The following INO80 variants were observed in gnomAD, a reference collection of about 807,000 sequenced individuals.
INO80 encodes the protein INO80 complex ATPase subunit, also known as chromatin-remodeling ATPase INO80.
Under a neutral mutation model 203.4 loss-of-function variants are expected in INO80, and 20 were observed. That is an observed-to-expected ratio of 0.10 (90% CI 0.07 to 0.14). The LOEUF (loss-of-function observed/expected upper bound fraction) is 0.14. Among genes scored for constraint, INO80 ranks in the 10% least tolerant of loss-of-function variants. The pLI, the probability that INO80 is intolerant of heterozygous loss-of-function variation, is 1.00. For missense variants in INO80, 1,419 were observed against 1,914.4 expected (o/e 0.74, Z 4.83); for synonymous variants, 726 against 685.2 (o/e 1.06, Z -0.93).
Position 41,092,041 on chromosome 15 carries a change from T to G in INO80, c.523A>C (p.Ser175Arg), listed in dbSNP as rs762338137. ...KYKKLHQNKY[S>R]KDKELQQYQY... The stretch of plus-strand genomic sequence containing the variant: ...GAAACTCTTACCTCCTTGTCTTTAC[T>G]ATACTTATTTTGGTGAAGTTTCTTA... Residue 175 changes from serine (S) to arginine (R), a missense_variant, in exon 5 of 36, where the codon AGT (serine) becomes CGT (arginine). By Grantham distance (110) the Ser-to-Arg change is moderately radical. Transcript: ENST00000648947. The G allele has an allele frequency of 1.2e-6, 2 of 1,609,188 alleles. No homozygotes were observed. The highest frequency in any genetic ancestry group is 1.3e-5 in the African/African-American group (1 of 74,972).
chr15:41,044,407 A>C (rs1355929837), intron 24 of INO80, among the ~76,000 whole-genome samples: 3 of 152,246 alleles, frequency 2.0e-5, no homozygotes, highest in Non-Finnish European at 2.9e-5. Context: ...CAAATCTCAT[A>C]AACAATACTG....
At position 41,015,707 on chromosome 15, in the gene INO80, G is replaced by T. The variant is rs188108753; in HGVS notation, c.3402+381C>A. ...TCCCAACTCTTTGAGAGGCTGAGGT[G>T]GGTGGATCACTTGAGGCCAGGAGTT... On this transcript the variant is annotated intron_variant, in intron 27 of 35. Transcript: ENST00000648947. 2.2e-3 allele frequency among the ~76,000 whole-genome samples: 335 copies of T among 150,578 alleles called. 2 individuals carry two copies. Among genetic ancestry groups the T allele is most frequent in the Middle Eastern group, 3.4e-3 (1 of 294 alleles).
chr15:41,004,907 G>A (rs2044015324), intron 28 of INO80: 1 of 152,086 alleles, frequency 6.6e-6, no homozygotes, highest in African/African-American at 2.4e-5. Flanking sequence ...AAGTGCTACT[G>A]TTAGTGGCCG....
chr15:41,096,496 A>G, intron 1 of INO80, 143 bp from the exon 2 acceptor site: 1 of 490,620 alleles, frequency 2.0e-6, no homozygotes, highest in East Asian at 3.5e-5. Context: ...AAAGATCATG[A>G]TAAAGCTCTT....
At chr15:41,081,204 T>C (rs916323980) in intron 7 of INO80, 131 bp from the exon 8 acceptor site, 2 of 608,908 alleles carry the variant, frequency 3.3e-6, no homozygotes, top group African/African-American at 3.7e-5. Context: ...ATTACTTCTA[T>C]AAGTCATCCA....
At position 41,020,946 on chromosome 15, in the gene INO80, C is replaced by T. The variant is rs1275366457; in HGVS notation, c.3228G>A (p.Leu1076=). Residue 1076 remains leucine, a synonymous_variant, in exon 26 of 36, where the codon CTG becomes CTA. Transcript: ENST00000648947. ...SQFFPEPAGG[L]WSIRPQNGWS... is the part of the protein sequence containing the mutation. ...AGCCATTCTGAGGTCTGATGCTCCA[C>T]AGACCTCCAGCTGGCTCTGGGAAGA... 1.9e-6 allele frequency: 3 copies of T among 1,614,136 alleles called. No individual in the cohort carries two copies. Among genetic ancestry groups the T allele is most frequent in the African/African-American group, 1.3e-5 (1 of 75,042 alleles).
chr15:40,992,019 G>A (rs933995094), intron 29 of INO80, among the ~76,000 whole-genome samples: 3 of 152,116 alleles, frequency 2.0e-5, no homozygotes, highest in Non-Finnish European at 1.5e-5. Flanking sequence ...CTCGTGATCC[G>A]CCAGCCTGGG....
intron 1 of INO80, among the ~76,000 whole-genome samples, chr15:41,100,110 T>C (rs962869347): frequency 1.3e-5 from 2 of 152,140 alleles, no homozygotes. Flanking sequence ...GACAAAGTCT[T>C]GTAGCCGAGG....
At position 41,009,564 on chromosome 15, in the gene INO80, A is replaced by G. The variant is rs1596255642; in HGVS notation, c.3403-3877T>C. 2.6e-5 allele frequency among the ~76,000 whole-genome samples: 4 copies of G among 151,770 alleles called. No individual in the cohort carries two copies. The South Asian group carries it at 8.4e-4, about 32-fold the overall frequency. ...ATGTCCCTACAAAGGACATGAACTCATCATTTTTTATGGCTGACATATGCG... is the reference window on the plus strand; with the variant it reads ...ATGTCCCTACAAAGGACATGAACTCGTCATTTTTTATGGCTGACATATGCG... On this transcript the variant is annotated intron_variant, in intron 27 of 35. Coordinates refer to ENST00000648947, the MANE Select transcript of INO80 (RefSeq NM_017553.3).
intron 1 of INO80, among the ~76,000 whole-genome samples, chr15:41,108,591 CAAA>C (rs61591905): frequency 1.7e-4 from 9 of 53,200 alleles, no homozygotes; most frequent in Non-Finnish European, 2.4e-4. Context: ...GACTCCGTCT[CAAA>C]AAAAAAAAAA....
rs760118016 is a variant in INO80, at chr15:40,984,264, T to G, written c.4010A>C (p.Asn1337Thr). ...GGAGTCATCTCCGTCAGCAGAGAGGTTGGAGTTATCAGCCGAGGGAACAAA... is the reference window on the plus strand; with the variant it reads ...GGAGTCATCTCCGTCAGCAGAGAGGGTGGAGTTATCAGCCGAGGGAACAAA... ...IPFVPSADNSNLSADGDDSFI... is the reference protein window; with the variant it reads ...IPFVPSADNSTLSADGDDSFI... The change falls in exon 33 of 36, where the codon AAC becomes ACC. Residue 1337 changes from asparagine (N) to threonine (T), a missense_variant. Physicochemically the swap from Asn to Thr is moderately conservative, Grantham distance 65. Around this residue, in one of 9 missense-constraint regions of INO80, gnomAD observed 214 missense variants for 248.9 expected, o/e 0.86. Transcript: ENST00000648947. The G allele has an allele frequency of 1.9e-6, 3 of 1,613,764 alleles. No individual in the cohort carries two copies. In the African/African-American group the frequency reaches 4.0e-5, roughly 22 times the overall value.
At chr15:41,115,364 G>A (rs1356721761) in intron 1 of INO80, among the ~76,000 whole-genome samples, 3 of 152,192 alleles carry the variant, frequency 2.0e-5, no homozygotes, top group African/African-American at 7.2e-5. Context: ...AAAATAGGAT[G>A]ACACTTTCCT....
At chr15:41,032,574 T>A (rs1383420825) in intron 24 of INO80, among the ~76,000 whole-genome samples, 1 of 152,148 alleles carries the variant, frequency 6.6e-6, no homozygotes, top group Non-Finnish European at 1.5e-5. Context: ...CTTCAATCAA[T>A]AGCCCGTCAA....
intron 14 of INO80, among the ~76,000 whole-genome samples, chr15:41,069,220 C>G (rs1272328659): frequency 6.6e-6 from 1 of 152,142 alleles, no homozygotes; most frequent in African/African-American, 2.4e-5. Context: ...CCTCCCTTCA[C>G]TGCAACCTCC....
At chr15:41,101,297 C>T (rs545740913) in intron 1 of INO80, among the ~76,000 whole-genome samples, 1 of 152,286 alleles carries the variant, frequency 6.6e-6, no homozygotes, top group East Asian at 1.9e-4. Flanking sequence ...CTGTTATCGT[C>T]CAACTTCAGC....
intron 15 of INO80, among the ~76,000 whole-genome samples, chr15:41,059,209 G>A (rs2045057152): frequency 6.6e-6 from 1 of 151,538 alleles, no homozygotes; most frequent in African/African-American, 2.4e-5. Context: ...TGATCCTCCT[G>A]CCTCGGCCTC....
At position 41,050,886 on chromosome 15, in the gene INO80, G is replaced by C. The variant is rs186192447; in HGVS notation, c.2275-784C>G. On this transcript the variant is annotated intron_variant, in intron 19 of 35. Transcript: ENST00000648947. ...CAGTGGCTCACGCCTGTAATCCCAG[G>C]ACTTTGGGAGGCCGAGGCAGGCAGA... Among the ~76,000 whole-genome samples, 406 of 152,018 alleles carry C rather than the reference G, an allele frequency of 2.7e-3. 3 individuals carry two copies. The highest frequency in any genetic ancestry group is 0.013 in the South Asian group (61 of 4,804).
chr15:41,033,219 T>A (rs1320587573), intron 24 of INO80, among the ~76,000 whole-genome samples: 1 of 152,188 alleles, frequency 6.6e-6, no homozygotes, highest in South Asian at 2.1e-4. Context: ...TAGACTCAAA[T>A]CTGTTCTGCC....
At chr15:40,996,029 A>G (rs1248614312) in intron 29 of INO80, among the ~76,000 whole-genome samples, 1 of 151,726 alleles carries the variant, frequency 6.6e-6, no homozygotes, top group Non-Finnish European at 1.5e-5. Flanking sequence ...GTGTAGTATC[A>G]GATTAGTGAG....
Sources: gnomAD v4.1 joint callset for allele counts (sites outside exome capture counted in the v4.1 genomes callset) on GRCh38, gnomAD v4.1.1 for gene constraint, gnomAD v4.1.1 regional missense constraint, MANE v1.5 for transcripts, NCBI Gene and HGNC (gene_info 2026-07-23, HGNC 2026-07-21) for gene names.